Variants in CHST9 observed in about 807,000 individuals in gnomAD.
CHST9 encodes GalNAc-4-sulfotransferase 2.
Under a neutral mutation model 44.4 loss-of-function variants are expected in CHST9, and 41 were observed. The observed-to-expected ratio is 0.92, with a 90% confidence interval of 0.72 to 1.20. CHST9 has a LOEUF of 1.20. CHST9 is among the 50% of genes most tolerant of loss of function. The pLI is 0.00. For missense variants in CHST9, 504 were observed against 516.5 expected, an observed-to-expected ratio of 0.98 and a Z score of 0.23; for synonymous variants, 171 against 178.4, an observed-to-expected ratio of 0.96 and a Z score of 0.33.
At chr18:26,952,049 G>T (rs1683475) in intron 4 of CHST9, among the ~76,000 whole-genome samples, 1 of 152,192 alleles carries the variant, frequency 6.6e-6, no homozygotes, top group Non-Finnish European at 1.5e-5. Flanking sequence ...ATTAGGCAAG[G>T]ACATTAGTGA....
At chr18:27,159,106 T>C (rs934863578) in intron 1 of CHST9, among the ~76,000 whole-genome samples, 18 of 152,204 alleles carry the variant, frequency 1.2e-4, no homozygotes, top group African/African-American at 3.6e-4. Flanking sequence ...AGAAGCTCTT[T>C]AGTTTAATTA....
At chr18:27,045,796 C>T (rs899229793) in intron 3 of CHST9, among the ~76,000 whole-genome samples, 3 of 151,992 alleles carry the variant, frequency 2.0e-5, no homozygotes, top group Non-Finnish European at 4.4e-5. Flanking sequence ...AATAGCATCA[C>T]ACATGAATCA....
intron 3 of CHST9, among the ~76,000 whole-genome samples, chr18:27,043,015 TC>T (rs2057462451): frequency 6.6e-6 from 1 of 152,114 alleles, no homozygotes; most frequent in African/African-American, 2.4e-5. Context: ...ACTTGCTCAC[TC>T]TGTGGCACTG....
At chr18:26,998,576 A>T (rs1175941955) in intron 4 of CHST9, among the ~76,000 whole-genome samples, 5 of 152,024 alleles carry the variant, frequency 3.3e-5, no homozygotes, top group Non-Finnish European at 7.4e-5. Flanking sequence ...AGATACAAAA[A>T]TTAGCTGGGT....
At chr18:27,154,568 A>G (rs1213360687) in intron 1 of CHST9, among the ~76,000 whole-genome samples, 2 of 152,190 alleles carry the variant, frequency 1.3e-5, no homozygotes, top group Non-Finnish European at 2.9e-5. Context: ...CAGGCATTCA[A>G]GTCAACAGAT....
rs2055494502 is a variant in CHST9, at chr18:26,915,075, A to C, written c.*1184T>G. The C allele has an allele frequency of 1.3e-5, 5 of 396,938 alleles. No individual in the cohort carries two copies. The Admixed American group carries it at 2.2e-4, about 18-fold the overall frequency. 24.6% of individuals were successfully genotyped at this position (396,938 alleles called of 1,614,324 possible). A position where few individuals can be genotyped will look rare whatever the true frequency, so the allele number is the denominator to read the frequency against. On this transcript the variant is annotated 3_prime_UTR_variant, in exon 6 of 6. Coordinates refer to ENST00000618847, the MANE Select transcript of CHST9 (RefSeq NM_031422.6). ...GGTGACACATGGACCTATTTTTCTAAGGACTTTGATTTAATATTTGAATGC... is the reference window on the plus strand; with the variant it reads ...GGTGACACATGGACCTATTTTTCTACGGACTTTGATTTAATATTTGAATGC...
intron 2 of CHST9, among the ~76,000 whole-genome samples, chr18:27,105,790 A>G (rs540489214): frequency 6.6e-6 from 1 of 151,636 alleles, no homozygotes; most frequent in African/African-American, 2.4e-5. Flanking sequence ...GTGCTTTGGC[A>G]CTCAACCCCT....
chr18:26,960,967 T>C (rs2056391210), intron 4 of CHST9, among the ~76,000 whole-genome samples: 1 of 152,248 alleles, frequency 6.6e-6, no homozygotes, highest in African/African-American at 2.4e-5. Context: ...AAGAATATTA[T>C]AGCAATGGCT....
chr18:27,045,649 A>G (rs2057491023), intron 3 of CHST9, among the ~76,000 whole-genome samples: 2 of 152,006 alleles, frequency 1.3e-5, no homozygotes. Flanking sequence ...GATGTTTCTA[A>G]CCATATTCTA....
Position 26,975,853 on chromosome 18 carries a change from C to G in CHST9, c.203-31487G>C, listed in dbSNP as rs1378227008. On this transcript the variant is annotated intron_variant, in intron 4 of 5. Transcript: ENST00000618847. ...CAACCTGATTTTTGAGGGAGGGGCA[C>G]TGCAGAGCATAAATTACATCTCAGA... Among the ~76,000 whole-genome samples the G allele has an allele frequency of 2.7e-5, 4 of 150,230 alleles. No individual in the cohort carries two copies. In the Admixed American group the frequency reaches 2.7e-4, roughly 10 times the overall value.
At chr18:26,940,831 GT>G (rs2056072285) in intron 5 of CHST9, among the ~76,000 whole-genome samples, 1 of 152,194 alleles carries the variant, frequency 6.6e-6, no homozygotes, top group African/African-American at 2.4e-5. Flanking sequence ...CTGCAATTAA[GT>G]TAAGAGAAGG....
chr18:27,143,572 T>C (rs2058586420), intron 1 of CHST9, among the ~76,000 whole-genome samples: 1 of 150,850 alleles, frequency 6.6e-6, no homozygotes, highest in South Asian at 2.1e-4. Context: ...AACAATCTCG[T>C]TTAATATAAC....
intron 2 of CHST9, among the ~76,000 whole-genome samples, chr18:27,139,084 A>G (rs1267756594): frequency 6.6e-6 from 1 of 152,136 alleles, no homozygotes; most frequent in East Asian, 1.9e-4. Context: ...ATAATCCTTT[A>G]CCAGTATATC....
chr18:27,054,526 CTATT>C (rs1189017752), intron 2 of CHST9, among the ~76,000 whole-genome samples: 1 of 152,118 alleles, frequency 6.6e-6, no homozygotes, highest in Admixed American at 6.6e-5. Flanking sequence ...CATCTCATGA[CTATT>C]TATCTATGTA....
chr18:27,127,352 G>A (rs193208881), intron 2 of CHST9, among the ~76,000 whole-genome samples: 1 of 152,274 alleles, frequency 6.6e-6, no homozygotes, highest in East Asian at 1.9e-4. Flanking sequence ...CTGTCTTCAT[G>A]GACGTCAAGG....
intron 2 of CHST9, among the ~76,000 whole-genome samples, chr18:27,109,424 A>G (rs1315741059): frequency 2.0e-5 from 3 of 152,114 alleles, no homozygotes; most frequent in Admixed American, 6.5e-5. Context: ...GAAGTCGCTC[A>G]TTTTCGCTTT....
chr18:27,156,024 AC>A (rs1287725859), intron 1 of CHST9, among the ~76,000 whole-genome samples: 1 of 152,122 alleles, frequency 6.6e-6, no homozygotes, highest in Non-Finnish European at 1.5e-5. Flanking sequence ...ATTATAAAAA[AC>A]GTGTGATTAA....
At chr18:27,101,234 T>C (rs141489361) in intron 2 of CHST9, among the ~76,000 whole-genome samples, 160 of 152,318 alleles carry the variant, frequency 1.1e-3, no homozygotes, top group African/African-American at 3.8e-3. Flanking sequence ...GAAGCTAACA[T>C]ATGCACAGAG....
chr18:27,050,296 T>C (rs1372107358), intron 2 of CHST9, among the ~76,000 whole-genome samples: 1 of 152,152 alleles, frequency 6.6e-6, no homozygotes, highest in Non-Finnish European at 1.5e-5. Context: ...AGCATGCTTA[T>C]AGACTTAGGT....
Sources: allele counts gnomAD v4.1 joint callset (sites outside exome capture counted in the v4.1 genomes callset), GRCh38; gene constraint gnomAD v4.1.1; transcripts MANE v1.5; gene names NCBI Gene and HGNC (gene_info 2026-07-23, HGNC 2026-07-21).